Variants in PTPRO observed in about 807,000 individuals in gnomAD.
PTPRO encodes receptor-type tyrosine-protein phosphatase O.
A neutral mutation model predicts 145.2 loss-of-function variants in PTPRO; 62 were observed. That is an observed-to-expected ratio of 0.43 (90% CI 0.35 to 0.53). PTPRO has a LOEUF of 0.53. Ranked by LOEUF, PTPRO falls within the 20% of genes least tolerant of loss-of-function variation. PTPRO has a pLI of 0.01. For synonymous variants in PTPRO, 565 were observed against 514.7 expected (o/e 1.10, Z -1.32); for missense variants, 1,345 against 1,482.7 (o/e 0.91, Z 1.53).
In PTPRO at chr12:15,508,566, T is replaced by C. The variant is rs1435855778; in HGVS notation, c.1268-5T>C. ...CTCCCCTGTGTTCCAATTTGAAATG[T>C]GCAGGTCCTTCAGGAGAGTGGATTG... On this transcript the variant is annotated splice_polypyrimidine_tract_variant and splice_region_variant and intron_variant, in intron 6 of 26. Coordinates refer to ENST00000281171, the MANE Select transcript of PTPRO (RefSeq NM_030667.3). The C allele has an allele frequency of 5.6e-6, 9 of 1,613,704 alleles. No homozygotes were observed. The East Asian group carries it at 8.9e-5, about 16-fold the overall frequency.
intron 23 of PTPRO, among the ~76,000 whole-genome samples, chr12:15,582,040 T>C (rs1490580771): frequency 1.3e-5 from 2 of 152,262 alleles, no homozygotes; most frequent in African/African-American, 4.8e-5. Context: ...CTATAGATTA[T>C]AGATTAACTA....
chr12:15,431,536 G>C (rs1160363341), intron 1 of PTPRO, among the ~76,000 whole-genome samples: 1 of 152,012 alleles, frequency 6.6e-6, no homozygotes, highest in African/African-American at 2.4e-5. Flanking sequence ...GCCAAACTAA[G>C]ACAGATCTTG....
chr12:15,533,896 C>T (rs1194326839), intron 12 of PTPRO, among the ~76,000 whole-genome samples: 6 of 152,140 alleles, frequency 3.9e-5, no homozygotes, highest in Non-Finnish European at 7.4e-5. Context: ...CTCTGAATGA[C>T]TCCTGTGTCA....
rs376259850 is a variant in PTPRO at position 15,352,599 on chromosome 12, G to A, written c.75+29798G>A. On this transcript the variant is annotated intron_variant, in intron 1 of 26. Transcript: ENST00000281171. ...TCGGGAGGCGAGCTTGCAGTGAGCC[G>A]GGATCGCACCACTGCACTCCAGCCT... Among the ~76,000 whole-genome samples, 5 of 149,840 alleles carry A rather than the reference G, an allele frequency of 3.3e-5. No individual in the cohort carries two copies. In the East Asian group the frequency reaches 7.9e-4, roughly 24 times the overall value.
At chr12:15,558,154 G>A (rs1045858188) in intron 16 of PTPRO, among the ~76,000 whole-genome samples, 3 of 151,814 alleles carry the variant, frequency 2.0e-5, no homozygotes, top group South Asian at 2.1e-4. Context: ...GGCTGGTCTC[G>A]AACTCCTGGG....
In PTPRO at chr12:15,596,690, G is replaced by C. The variant is rs1944666825; in HGVS notation, c.*617G>C. ...GAGGGGTTCTACCCACAGATCAACT[G>C]TGTAATCTTTTACTATTCAAGCTAT... On this transcript the variant is annotated 3_prime_UTR_variant, in exon 27 of 27. Coordinates refer to ENST00000281171, the MANE Select transcript of PTPRO (RefSeq NM_030667.3). 6.6e-6 allele frequency: 1 copy of C among 152,224 alleles called. No individual in the cohort carries two copies. The highest frequency in any genetic ancestry group is 1.5e-5 in the Non-Finnish European group (1 of 68,040). 9.4% of individuals were successfully genotyped at this position (152,224 alleles called of 1,614,324 possible).
chr12:15,534,693 T>C (rs1943032273), intron 12 of PTPRO, among the ~76,000 whole-genome samples: 1 of 152,164 alleles, frequency 6.6e-6, no homozygotes, highest in Non-Finnish European at 1.5e-5. Context: ...CAGGCCTGAG[T>C]ATAGATCTTT....
At chr12:15,474,466 G>A (rs573646846) in intron 1 of PTPRO, among the ~76,000 whole-genome samples, 2 of 152,212 alleles carry the variant, frequency 1.3e-5, no homozygotes, top group South Asian at 2.1e-4. Context: ...GGAAAGATAA[G>A]TACCAAGAGG....
chr12:15,455,556 C>T (rs902870078), intron 1 of PTPRO, among the ~76,000 whole-genome samples: 6 of 152,080 alleles, frequency 3.9e-5, no homozygotes, highest in African/African-American at 1.2e-4. Flanking sequence ...TAGTACAAGT[C>T]ATTTACCACT....
At chr12:15,369,483 A>G (rs942845550) in intron 1 of PTPRO, among the ~76,000 whole-genome samples, 17 of 152,100 alleles carry the variant, frequency 1.1e-4, no homozygotes, top group African/African-American at 4.1e-4. Flanking sequence ...ATCCAATTTT[A>G]CTTTCTTTGT....
rs986405737 is a variant in PTPRO at position 15,494,777 on chromosome 12, G to A, written c.350-2468G>A. Among the ~76,000 whole-genome samples, 4 of 152,164 alleles carry A rather than the reference G, an allele frequency of 2.6e-5. No homozygotes were observed. The South Asian group carries it at 6.2e-4, about 24-fold the overall frequency. On this transcript the variant is annotated intron_variant, in intron 2 of 26. Coordinates refer to ENST00000281171, the MANE Select transcript of PTPRO (RefSeq NM_030667.3). ...ACCGTGGCTTTGATGTGCAGACTTC[G>A]TGCCTCAGGGCATGAAAGATTGAGT...
intron 1 of PTPRO, among the ~76,000 whole-genome samples, chr12:15,376,245 A>T (rs1359491148): frequency 6.6e-6 from 1 of 152,178 alleles, no homozygotes; most frequent in Non-Finnish European, 1.5e-5. Context: ...ATTTAATGAG[A>T]TTAATGGCTG....
At chr12:15,398,450 A>G (rs1221065517) in intron 1 of PTPRO, among the ~76,000 whole-genome samples, 1 of 149,718 alleles carries the variant, frequency 6.7e-6, no homozygotes, top group Non-Finnish European at 1.5e-5. Context: ...CAGGGCTACT[A>G]TTTATATGCT....
At chr12:15,416,909 G>C (rs1025528058) in intron 1 of PTPRO, among the ~76,000 whole-genome samples, 2 of 151,642 alleles carry the variant, frequency 1.3e-5, no homozygotes, top group South Asian at 4.1e-4. Flanking sequence ...TCAATATACT[G>C]TATGGGGAGA....
At chr12:15,478,337 T>G (rs1172980360) in intron 1 of PTPRO, among the ~76,000 whole-genome samples, 1 of 152,240 alleles carries the variant, frequency 6.6e-6, no homozygotes, top group Non-Finnish European at 1.5e-5. Flanking sequence ...CTTCAATTAC[T>G]AATAGAAGTC....
At chr12:15,443,833 A>G (rs1324902731) in intron 1 of PTPRO, among the ~76,000 whole-genome samples, 2 of 152,180 alleles carry the variant, frequency 1.3e-5, no homozygotes, top group Admixed American at 6.6e-5. Flanking sequence ...ACATCAGTAA[A>G]CAACAGATGT....
chr12:15,560,177 C>G lies in PTPRO; in HGVS notation c.2628-16C>G, dbSNP rs772588997. 3.2e-6 allele frequency: 5 copies of G among 1,542,004 alleles called. No individual in the cohort carries two copies. Among genetic ancestry groups the G allele is most frequent in the Non-Finnish European group, 4.5e-6 (5 of 1,115,092 alleles). ...ACTTTTTCATCTTTCCATCTGTTGT[C>G]TATTAATGCACACAGGCGTAGGAGT... On this transcript the variant is annotated splice_polypyrimidine_tract_variant and intron_variant, in intron 16 of 26. Transcript: ENST00000281171.
chr12:15,363,363 C>T (rs1159570503), intron 1 of PTPRO, among the ~76,000 whole-genome samples: 2 of 152,114 alleles, frequency 1.3e-5, no homozygotes, highest in Non-Finnish European at 2.9e-5. Context: ...GCAACACTGG[C>T]TGGGCTACAA....
intron 25 of PTPRO, among the ~76,000 whole-genome samples, chr12:15,591,845 G>A (rs192422118): frequency 6.4e-4 from 97 of 151,758 alleles, no homozygotes; most frequent in African/African-American, 2.2e-3. Context: ...TCTGGTGACA[G>A]AGCAAGACTC....
Sources: gnomAD v4.1 joint callset for allele counts (sites outside exome capture counted in the v4.1 genomes callset) on GRCh38, gnomAD v4.1.1 for gene constraint, MANE v1.5 for transcripts, NCBI Gene and HGNC (gene_info 2026-07-23, HGNC 2026-07-21) for gene names.